Variants in LCP2 observed in about 807,000 individuals in gnomAD.
LCP2 encodes the protein 76 kDa tyrosine phosphoprotein.
A neutral mutation model predicts 74.5 loss-of-function variants in LCP2; 29 were observed. That is an observed-to-expected ratio of 0.39 (90% CI 0.29 to 0.53). The LOEUF is 0.53. LCP2 is among the 20% of genes least tolerant of loss of function. The pLI, the probability that LCP2 is intolerant of heterozygous loss-of-function variation, is 0.72. For synonymous variants in LCP2, 228 were observed against 229.5 expected, an observed-to-expected ratio of 0.99 and a Z score of 0.06; for missense variants, 604 against 634.6, an observed-to-expected ratio of 0.95 and a Z score of 0.52.
In LCP2 at chr5:170,293,459, C is replaced by A. The variant is rs1342725318; in HGVS notation, c.79-87G>T. On this transcript the variant is annotated intron_variant, in intron 1 of 20. Transcript: ENST00000046794. ...CCTTGCCTGCCCCAGAAACTTAGCA[C>A]TTTGCGGTACTTGTGGCTAGCCAGG... The A allele has an allele frequency of 2.3e-6, 3 of 1,295,154 alleles. No homozygotes were observed. The African/African-American group carries it at 4.4e-5, about 19-fold the overall frequency. The allele number at this position is 1,295,154 out of a possible 1,614,324, so 80.2% of individuals were successfully genotyped here. A position where few individuals can be genotyped will look rare whatever the true frequency, so the allele number is the denominator to read the frequency against.
chr5:170,281,551 A>T (rs189141404), intron 3 of LCP2, among the ~76,000 whole-genome samples: 1 of 152,200 alleles, frequency 6.6e-6, no homozygotes, highest in Non-Finnish European at 1.5e-5. Flanking sequence ...AAGTGCTGGG[A>T]TTACAGGCAT....
chr5:170,296,035 A>G (rs1417449702), intron 1 of LCP2, among the ~76,000 whole-genome samples: 1 of 152,164 alleles, frequency 6.6e-6, no homozygotes, highest in Non-Finnish European at 1.5e-5. Context: ...TCACACCTGA[A>G]TGTTAGGCCT....
intron 13 of LCP2, among the ~76,000 whole-genome samples, chr5:170,261,407 G>GTGTATATA (rs150577805): frequency 1.1e-3 from 164 of 146,316 alleles, no homozygotes; most frequent in East Asian, 4.5e-3. Context: ...GTGTGTGTGT[G>GTGTATATA]TATATATATA....
At chr5:170,257,397 G>C (rs1238956729) in intron 16 of LCP2, among the ~76,000 whole-genome samples, 1 of 152,168 alleles carries the variant, frequency 6.6e-6, no homozygotes. Flanking sequence ...GTGGGTGGTT[G>C]AGTTTTCTAC....
chr5:170,274,469 C>A, intron 5 of LCP2, 131 bp from the exon 6 acceptor site: 1 of 912,694 alleles, frequency 1.1e-6, no homozygotes. Flanking sequence ...ACCTCCCACA[C>A]CCCTGCAGGT....
Position 170,250,855 on chromosome 5 carries a change from T to C in LCP2, c.1354A>G (p.Lys452Glu), listed in dbSNP as rs769384862. The change falls in exon 20 of 21, where the codon AAA becomes GAA. Residue 452 changes from lysine (K) to glutamate (E), a missense_variant. Physicochemically the swap from Lys to Glu is moderately conservative, Grantham distance 56. Transcript: ENST00000046794. Reference sequence around the variant, plus strand: ...ACATATGGATTGGTTGTTGTTTTTTTAGAGCTGTCTCTGACCAGAAATGTG... The same window carrying C: ...ACATATGGATTGGTTGTTGTTTTTTCAGAGCTGTCTCTGACCAGAAATGTG... Reference protein sequence around the residue: ...DGTFLVRDSSKKTTTNPYVLM... With the variant: ...DGTFLVRDSSEKTTTNPYVLM... 1.2e-6 allele frequency: 2 copies of C among 1,613,802 alleles called. No individual in the cohort carries two copies. Among genetic ancestry groups the C allele is most frequent in the Middle Eastern group, 1.7e-4 (1 of 6,060 alleles).
chr5:170,288,887 G>C (rs1489024667), intron 2 of LCP2, among the ~76,000 whole-genome samples: 1 of 152,236 alleles, frequency 6.6e-6, no homozygotes, highest in Non-Finnish European at 1.5e-5. Context: ...ATCTGGAAGG[G>C]AGGAGGAGAG....
intron 2 of LCP2, among the ~76,000 whole-genome samples, chr5:170,288,996 G>A (rs936062811): frequency 1.3e-5 from 2 of 152,208 alleles, no homozygotes; most frequent in Admixed American, 6.5e-5. Flanking sequence ...TCTAGTTAAG[G>A]CCAGAGGGCT....
At chr5:170,269,617 C>A (rs1933187978) in intron 7 of LCP2, among the ~76,000 whole-genome samples, 1 of 152,236 alleles carries the variant, frequency 6.6e-6, no homozygotes. Flanking sequence ...GGTTTAATAT[C>A]ACAGCTTAAA....
At chr5:170,289,623 TTCTTTCTTTCTTTC>T (rs1561978307) in intron 2 of LCP2, among the ~76,000 whole-genome samples, 14 of 92,284 alleles carry the variant, frequency 1.5e-4, no homozygotes, top group African/African-American at 6.5e-4. Context: ...TTCTTTTTCT[TTCTTTCTTTCTTTC>T]TTTCTTTCTT....
chr5:170,296,411 C>T (rs576339964), intron 1 of LCP2, among the ~76,000 whole-genome samples: 6 of 152,268 alleles, frequency 3.9e-5, no homozygotes, highest in Admixed American at 3.3e-4. Context: ...ATAAATGCCT[C>T]GGAAATGCAT....
chr5:170,277,381 AGT>A (rs1365536657), intron 3 of LCP2, among the ~76,000 whole-genome samples: 1 of 152,166 alleles, frequency 6.6e-6, no homozygotes, highest in Non-Finnish European at 1.5e-5. Context: ...TAGCAAAGGA[AGT>A]CCTTAGCAGC....
chr5:170,258,086 G>A lies in LCP2; in HGVS notation c.1051C>T (p.Pro351Ser). 6.2e-7 allele frequency: 1 copy of A among 1,613,906 alleles called. No individual in the cohort carries two copies. The highest frequency in any genetic ancestry group is 8.5e-7 in the Non-Finnish European group (1 of 1,179,786). Reference sequence around the variant, plus strand: ...TGAGAGGATGGGAGAGGGTTCATGGGACTTGGCTTAGTAGATCTTGAAGGG... The same window carrying A: ...TGAGAGGATGGGAGAGGGTTCATGGAACTTGGCTTAGTAGATCTTGAAGGG... ...TFPSRSTKPS[P>S]MNPLPSSHMP... Residue 351 changes from proline to serine, a missense_variant, in exon 16 of 21, where the codon CCC becomes TCC. By Grantham distance (74) the Pro-to-Ser change is moderately conservative. Transcript: ENST00000046794.
chr5:170,261,484 C>CATAT (rs3045604), intron 13 of LCP2, among the ~76,000 whole-genome samples: 5,194 of 151,436 alleles, frequency 0.034, 245 homozygotes, highest in African/African-American at 0.1. Flanking sequence ...CACACACACA[C>CATAT]ATGTGGTTTA....
rs1248234281 is a variant in LCP2, at chr5:170,247,868, T to TG, written c.*828dup. ...GCTTTTGGGGTTGGGAGAAGGTTGGTGGGGGGCTGTGATGGTTGGTGTGGG... is the reference window on the plus strand; with the variant it reads ...GCTTTTGGGGTTGGGAGAAGGTTGGTGGGGGGGCTGTGATGGTTGGTGTGGG... On this transcript the variant is annotated 3_prime_UTR_variant, in exon 21 of 21. Transcript: ENST00000046794. The TG allele has an allele frequency of 1.3e-5, 2 of 152,248 alleles. No individual in the cohort carries two copies. Among genetic ancestry groups the TG allele is most frequent in the African/African-American group, 2.4e-5 (1 of 41,416 alleles). 9.4% of individuals were successfully genotyped at this position (152,248 alleles called of 1,614,324 possible).
chr5:170,264,769 A>G (rs1333351732), intron 10 of LCP2, among the ~76,000 whole-genome samples: 1 of 152,034 alleles, frequency 6.6e-6, no homozygotes, highest in African/African-American at 2.4e-5. Context: ...ACTGCACTCC[A>G]GCCTAGGTGA....
intron 3 of LCP2, among the ~76,000 whole-genome samples, chr5:170,283,369 G>T (rs574155708): frequency 1.1e-4 from 17 of 152,270 alleles, no homozygotes; most frequent in African/African-American, 4.1e-4. Context: ...GAAGACATCA[G>T]TTGAGCTTAG....
intron 3 of LCP2, among the ~76,000 whole-genome samples, chr5:170,276,998 C>T (rs3789179): frequency 0.67 from 99,446 of 149,288 alleles, 34,170 homozygotes; most frequent in African/African-American, 0.82. Flanking sequence ...ATCACTTGAA[C>T]CTGGGAGGTG....
intron 3 of LCP2, among the ~76,000 whole-genome samples, chr5:170,280,345 G>C (rs1287882642): frequency 6.6e-6 from 1 of 151,620 alleles, no homozygotes; most frequent in African/African-American, 2.4e-5. Context: ...CCTCCTCCCT[G>C]CACACATTCC....
Sources: gnomAD v4.1 joint callset for allele counts (sites outside exome capture counted in the v4.1 genomes callset) on GRCh38, gnomAD v4.1.1 for gene constraint, MANE v1.5 for transcripts, NCBI Gene and HGNC (gene_info 2026-07-23, HGNC 2026-07-21) for gene names.